MACROD1: variants seen among roughly 807,000 people sequenced by gnomAD.
MACROD1 encodes ADP-ribose glycohydrolase MACROD1.
In MACROD1, 31 loss-of-function variants were observed where a neutral mutation model predicts 41.4. The ratio of observed to expected loss-of-function variants is 0.75; its 90% confidence interval spans 0.56 to 1.01. The LOEUF (loss-of-function observed/expected upper bound fraction) is 1.01, where lower values mean the gene tolerates loss of function less well. Among genes scored for constraint, MACROD1 ranks in the 50% least tolerant of loss-of-function variants. The probability of loss-of-function intolerance (pLI) is 0.00; values close to 1 mark genes in which losing one functional copy is unlikely to be tolerated. For synonymous variants in MACROD1, 252 were observed against 203.4 expected (o/e 1.24, Z -2.03); for missense variants, 473 against 460.0 (o/e 1.03, Z -0.26).
chr11:64,123,017 G>C (rs1228650191), intron 3 of MACROD1, among the ~76,000 whole-genome samples: 1 of 152,106 alleles, frequency 6.6e-6, no homozygotes, highest in Non-Finnish European at 1.5e-5. Context: ...GGAGGCTGGG[G>C]CTTCTGAGCC....
chr11:64,065,983 A>G (rs1355176018), intron 3 of MACROD1, among the ~76,000 whole-genome samples: 1 of 151,928 alleles, frequency 6.6e-6, no homozygotes, highest in Non-Finnish European at 1.5e-5. Flanking sequence ...GACAAAAAGA[A>G]GCTTGCCAAG....
At chr11:64,011,233 TGTTG>T (rs756395265) in intron 4 of MACROD1, among the ~76,000 whole-genome samples, 4 of 147,082 alleles carry the variant, frequency 2.7e-5, no homozygotes, top group African/African-American at 5.1e-5. Flanking sequence ...TTGGTTGGGG[TGTTG>T]GTTGGGGTGT....
rs529398138 is a variant in MACROD1, at chr11:64,065,605, C to T, written c.518-50324G>A. On this transcript the variant is annotated intron_variant, in intron 3 of 10. Transcript: ENST00000255681. ...GAGATCAAGACCATCCTGGCTAACA[C>T]GGTGAAACCCAGTCTCTACTAAAAA... 1.9e-3 allele frequency among the ~76,000 whole-genome samples: 269 copies of T among 139,194 alleles called. 3 individuals carry two copies. Among genetic ancestry groups the T allele is most frequent in the African/African-American group, 4.7e-3 (190 of 40,674 alleles). 91.3% of individuals were successfully genotyped at this position (139,194 alleles called of 152,430 possible). A position where few individuals can be genotyped will look rare whatever the true frequency, so the allele number is the denominator to read the frequency against.
chr11:64,073,834 C>T (rs557009855), intron 3 of MACROD1, among the ~76,000 whole-genome samples: 5 of 152,254 alleles, frequency 3.3e-5, no homozygotes, highest in East Asian at 1.9e-4. Flanking sequence ...GGGCCCACAG[C>T]CCCCAGAGCC....
At chr11:64,075,390 C>T (rs1280987565) in intron 3 of MACROD1, among the ~76,000 whole-genome samples, 1 of 152,254 alleles carries the variant, frequency 6.6e-6, no homozygotes, top group African/African-American at 2.4e-5. Context: ...CACTTTATAC[C>T]CATCATTTCT....
At chr11:64,026,343 A>C (rs982909234) in intron 3 of MACROD1, among the ~76,000 whole-genome samples, 16 of 152,226 alleles carry the variant, frequency 1.1e-4, no homozygotes, top group African/African-American at 3.9e-4. Context: ...ACTGGTGTTT[A>C]ATGTTCCATG....
intron 3 of MACROD1, among the ~76,000 whole-genome samples, chr11:64,128,793 GCTGAGCCCAGACTGGCAGCT>G (rs58298373): frequency 0.17 from 25,372 of 152,050 alleles, 2,317 homozygotes; most frequent in Admixed American, 0.28. Flanking sequence ...GCCTCGCTTG[GCTGAGCCCAGACTGGCAGCT>G]CTTGCCCTCC....
intron 3 of MACROD1, among the ~76,000 whole-genome samples, chr11:64,143,505 G>A (rs1945442839): frequency 6.6e-6 from 1 of 152,094 alleles, no homozygotes; most frequent in Admixed American, 6.6e-5. Context: ...TGGGACACAG[G>A]ATACCGGGCA....
chr11:64,081,318 A>G (rs981487012), intron 3 of MACROD1, among the ~76,000 whole-genome samples: 4 of 152,130 alleles, frequency 2.6e-5, no homozygotes, highest in African/African-American at 9.7e-5. Context: ...CACCACGCCC[A>G]GCCTACACTT....
At chr11:64,023,807 C>T (rs974175532) in intron 3 of MACROD1, among the ~76,000 whole-genome samples, 3 of 152,194 alleles carry the variant, frequency 2.0e-5, no homozygotes, top group Non-Finnish European at 4.4e-5. Context: ...TCTATAGCCC[C>T]TCTTCCTGGT....
chr11:64,129,550 G>A (rs1303042539), intron 3 of MACROD1, among the ~76,000 whole-genome samples: 1 of 152,194 alleles, frequency 6.6e-6, no homozygotes, highest in Admixed American at 6.5e-5. Flanking sequence ...CGCATTCCTG[G>A]CCCCCAGGGA....
intron 4 of MACROD1, among the ~76,000 whole-genome samples, chr11:64,008,346 G>A (rs899678332): frequency 6.8e-6 from 1 of 146,402 alleles, no homozygotes; most frequent in Non-Finnish European, 1.5e-5. Flanking sequence ...AGGAGGGACC[G>A]GCCCTGGGTG....
intron 3 of MACROD1, among the ~76,000 whole-genome samples, chr11:64,062,119 C>T (rs1943917235): frequency 6.6e-6 from 1 of 151,992 alleles, no homozygotes; most frequent in Non-Finnish European, 1.5e-5. Context: ...TGAAATGCCC[C>T]TCTCCTCCGC....
intron 3 of MACROD1, chr11:64,117,328 G>A (rs771319324): frequency 1.2e-6 from 2 of 1,614,090 alleles, no homozygotes; most frequent in East Asian, 2.2e-5. Context: ...AACGTGCGGG[G>A]CCTCATGTGC....
intron 3 of MACROD1, among the ~76,000 whole-genome samples, chr11:64,091,032 G>T (rs979106189): frequency 1.3e-5 from 2 of 149,918 alleles, no homozygotes; most frequent in African/African-American, 4.9e-5. Context: ...GGAGGGAGGG[G>T]AGAAAGAAGA....
intron 4 of MACROD1, chr11:64,001,131 G>A: frequency 2.5e-6 from 1 of 404,274 alleles, no homozygotes; most frequent in Non-Finnish European, 4.5e-6. Flanking sequence ...GGGGCGCAGC[G>A]GGAGGCATGG....
intron 3 of MACROD1, among the ~76,000 whole-genome samples, chr11:64,066,557 T>C (rs979320327): frequency 6.6e-6 from 1 of 150,608 alleles, no homozygotes; most frequent in African/African-American, 2.5e-5. Flanking sequence ...AGGTCAAGGC[T>C]ACAGTGCAGT....
At chr11:64,108,079 C>T (rs557738382) in intron 3 of MACROD1, among the ~76,000 whole-genome samples, 7 of 152,102 alleles carry the variant, frequency 4.6e-5, no homozygotes, top group Admixed American at 3.3e-4. Flanking sequence ...TTTGGGAGGC[C>T]GAGGCGGGCA....
chr11:64,114,789 G>A (rs146789215), intron 3 of MACROD1, among the ~76,000 whole-genome samples: 1 of 152,304 alleles, frequency 6.6e-6, no homozygotes, highest in East Asian at 1.9e-4. Flanking sequence ...ACAGGTGGAT[G>A]GATGGTAGGT....
Sources: gnomAD v4.1 joint callset for allele counts (sites outside exome capture counted in the v4.1 genomes callset) on GRCh38, gnomAD v4.1.1 for gene constraint, MANE v1.5 for transcripts, NCBI Gene and HGNC (gene_info 2026-07-23, HGNC 2026-07-21) for gene names.